RAB30: variants seen among roughly 807,000 people sequenced by gnomAD.
RAB30 encodes the protein RAB30, member RAS oncogene family, also known as ras-related protein Rab-30.
RAB30 carries 9 observed loss-of-function variants against 25.1 expected under a neutral mutation model. The observed-to-expected ratio is 0.36, with a 90% confidence interval of 0.22 to 0.63. RAB30 has a LOEUF of 0.63. Ranked by LOEUF, RAB30 falls within the 20% of genes least tolerant of loss-of-function variation. The pLI, the probability that RAB30 is intolerant of heterozygous loss-of-function variation, is 0.69. For missense variants in RAB30, 140 were observed against 243.5 expected, an observed-to-expected ratio of 0.58 and a Z score of 2.83; for synonymous variants, 77 against 86.4, an observed-to-expected ratio of 0.89 and a Z score of 0.60.
At chr11:83,046,284 G>T (rs1858231212) in intron 1 of RAB30, among the ~76,000 whole-genome samples, 4 of 152,240 alleles carry the variant, frequency 2.6e-5, no homozygotes, top group Admixed American at 2.6e-4. Flanking sequence ...CATATGCAAG[G>T]TGAGTGGACA....
At chr11:83,018,607 C>T (rs1428489381) in intron 1 of RAB30, among the ~76,000 whole-genome samples, 1 of 152,144 alleles carries the variant, frequency 6.6e-6, no homozygotes, top group Non-Finnish European at 1.5e-5. Flanking sequence ...TTGTCAGATG[C>T]ATAGTTTGTG....
chr11:83,029,116 G>T (rs1857792067), intron 1 of RAB30, among the ~76,000 whole-genome samples: 1 of 152,082 alleles, frequency 6.6e-6, no homozygotes, highest in Non-Finnish European at 1.5e-5. Flanking sequence ...AGCAACAGAG[G>T]ACGCCAACAT....
chr11:83,034,105 G>A (rs1053349497), intron 1 of RAB30: 5 of 152,196 alleles, frequency 3.3e-5, no homozygotes, highest in African/African-American at 1.2e-4. Context: ...AAGCTCTGCA[G>A]TTATAAACGG....
chr11:83,045,343 C>T (rs540781778), intron 1 of RAB30, among the ~76,000 whole-genome samples: 48 of 152,226 alleles, frequency 3.2e-4, no homozygotes, highest in Non-Finnish European at 6.2e-4. Flanking sequence ...CTTGCCCAAG[C>T]TGGTCTCGAA....
At chr11:83,010,144 T>TA (rs1472839977) in intron 1 of RAB30, among the ~76,000 whole-genome samples, 1 of 152,148 alleles carries the variant, frequency 6.6e-6, no homozygotes, top group Admixed American at 6.5e-5. Flanking sequence ...AGCCACATGA[T>TA]ACAGCATTAT....
Position 83,061,035 on chromosome 11 carries a change from T to C in RAB30, c.-9+10656A>G, listed in dbSNP as rs1265023926. Among the ~76,000 whole-genome samples, 5 of 152,328 alleles carry C rather than the reference T, an allele frequency of 3.3e-5. No individual in the cohort carries two copies. The East Asian group carries it at 9.6e-4, about 29-fold the overall frequency. On this transcript the variant is annotated intron_variant, in intron 1 of 4. Transcript: ENST00000527633. Reference sequence around the variant, plus strand: ...TTAACACCAGCAGCCCCCCAGTCTCTGGGTCTTCAGCCTCAGACTGAGAGT... The same window carrying C: ...TTAACACCAGCAGCCCCCCAGTCTCCGGGTCTTCAGCCTCAGACTGAGAGT...
chr11:82,990,880 T>A (rs1001484934), intron 3 of RAB30, among the ~76,000 whole-genome samples: 2 of 152,216 alleles, frequency 1.3e-5, no homozygotes, highest in Non-Finnish European at 2.9e-5. Context: ...GTCACCTTCA[T>A]AATGCAGACC....
chr11:83,007,650 G>C (rs542367447), intron 1 of RAB30, among the ~76,000 whole-genome samples: 7 of 152,170 alleles, frequency 4.6e-5, no homozygotes, highest in Non-Finnish European at 8.8e-5. Context: ...TCCACATATA[G>C]GTGAGAAGAG....
chr11:83,059,277 T>C (rs1858516788), intron 1 of RAB30, among the ~76,000 whole-genome samples: 1 of 152,194 alleles, frequency 6.6e-6, no homozygotes, highest in Non-Finnish European at 1.5e-5. Flanking sequence ...ATCGAATATA[T>C]TTTCTTATCC....
chr11:83,064,836 T>C (rs1250873770), intron 1 of RAB30, among the ~76,000 whole-genome samples: 1 of 152,198 alleles, frequency 6.6e-6, no homozygotes, highest in Admixed American at 6.5e-5. Flanking sequence ...TTATCTAATA[T>C]GTAGCTCCCA....
intron 4 of RAB30, among the ~76,000 whole-genome samples, chr11:82,982,837 G>A (rs1221497080): frequency 6.6e-6 from 1 of 152,030 alleles, no homozygotes; most frequent in East Asian, 1.9e-4. Context: ...ACTCTAGCTT[G>A]GGTGACAGAG....
intron 3 of RAB30, among the ~76,000 whole-genome samples, chr11:82,990,903 G>A (rs1330461434): frequency 6.6e-6 from 1 of 152,012 alleles, no homozygotes; most frequent in East Asian, 1.9e-4. Flanking sequence ...TTTAAGAGAA[G>A]GGCCTCTTCA....
At chr11:83,019,499 T>C (rs1424731144) in intron 1 of RAB30, among the ~76,000 whole-genome samples, 1 of 152,176 alleles carries the variant, frequency 6.6e-6, no homozygotes, top group Non-Finnish European at 1.5e-5. Context: ...TGTTTTACCA[T>C]GTGGCAACAC....
chr11:83,065,812 GAACC>G (rs1858683136), intron 1 of RAB30, among the ~76,000 whole-genome samples: 1 of 152,174 alleles, frequency 6.6e-6, no homozygotes, highest in African/African-American at 2.4e-5. Flanking sequence ...CTCATCATGT[GAACC>G]TCCCAACAAC....
chr11:82,997,139 C>G, intron 2 of RAB30, 85 bp downstream of exon 2: 1 of 1,104,098 alleles, frequency 9.1e-7, no homozygotes. Flanking sequence ...AACTGGTCAT[C>G]CATCTCGACA....
chr11:83,034,978 G>T (rs1857956694), intron 1 of RAB30, among the ~76,000 whole-genome samples: 1 of 151,816 alleles, frequency 6.6e-6, no homozygotes, highest in African/African-American at 2.4e-5. Context: ...TCAAAATCCT[G>T]ACTAATAAAA....
intron 4 of RAB30, among the ~76,000 whole-genome samples, chr11:82,985,714 CT>C (rs60932116): frequency 0.039 from 5,088 of 128,876 alleles, 254 homozygotes; most frequent in African/African-American, 0.12. Context: ...CCTTACTTGG[CT>C]TTTTTTTTTT....
intron 1 of RAB30, among the ~76,000 whole-genome samples, chr11:83,031,770 G>A (rs55646492): frequency 1.3e-5 from 2 of 152,226 alleles, no homozygotes; most frequent in Non-Finnish European, 2.9e-5. Context: ...CAGGTGATCC[G>A]CCTGCCTTGG....
chr11:83,018,571 C>CTTTTT (rs1857494334), intron 1 of RAB30, among the ~76,000 whole-genome samples: 1 of 152,040 alleles, frequency 6.6e-6, no homozygotes, highest in African/African-American at 2.4e-5. Flanking sequence ...TGTTTGAGTT[C>CTTTTT]CTTGTAGATT....
Sources: allele counts gnomAD v4.1 joint callset (sites outside exome capture counted in the v4.1 genomes callset), GRCh38; gene constraint gnomAD v4.1.1; transcripts MANE v1.5; gene names NCBI Gene and HGNC (gene_info 2026-07-23, HGNC 2026-07-21).